FRYL: variants seen among roughly 807,000 people sequenced by gnomAD.
FRYL encodes the protein FRY like transcription coactivator, also known as protein furry homolog-like.
In FRYL, 150 loss-of-function variants were observed where a neutral mutation model predicts 351.2. The ratio of observed to expected loss-of-function variants is 0.43; its 90% confidence interval spans 0.37 to 0.49. The LOEUF (loss-of-function observed/expected upper bound fraction) is 0.49, where lower values mean the gene tolerates loss of function less well. Among genes scored for constraint, FRYL ranks in the 20% least tolerant of loss-of-function variants. The pLI is 0.00. For missense variants in FRYL, 3,036 were observed against 3,619.3 expected (o/e 0.84, Z 4.13); for synonymous variants, 1,153 against 1,257.1 (o/e 0.92, Z 1.75).
chr4:48,574,314 T>C (rs892673087), intron 25 of FRYL: 4 of 152,196 alleles, frequency 2.6e-5, no homozygotes, highest in African/African-American at 4.8e-5. Flanking sequence ...CACTTTTAAA[T>C]CCTATTTTTT....
chr4:48,684,905 A>G (rs929987071), intron 2 of FRYL, 110 bp from the exon 3 acceptor site: 2 of 152,214 alleles, frequency 1.3e-5, no homozygotes, highest in African/African-American at 4.8e-5. Flanking sequence ...AGTGTCACCT[A>G]GTGCTGCAGA....
At chr4:48,712,772 A>G (rs1408055404) in intron 1 of FRYL, among the ~76,000 whole-genome samples, 2 of 152,196 alleles carry the variant, frequency 1.3e-5, no homozygotes, top group Admixed American at 1.3e-4. Context: ...CAAGACACAT[A>G]ATTGTCAGAT....
At position 48,659,463 on chromosome 4, in the gene FRYL, G is replaced by A. The variant is rs796603458; in HGVS notation, c.-80-24973C>T. ...AAGAGGAAGAGGAAGAGGGAGAAGA[G>A]GAAGAGGGAGAAGAGGAAGAGGGAG... On this transcript the variant is annotated intron_variant, in intron 3 of 63. Transcript: ENST00000358350. 7.6e-3 allele frequency among the ~76,000 whole-genome samples: 18 copies of A among 2,364 alleles called. 8 individuals are homozygous for A. The highest frequency in any genetic ancestry group is 0.027 in the Non-Finnish European group (14 of 518). The allele number at this position is 2,364 out of a possible 152,430, so 1.6% of individuals were successfully genotyped here.
chr4:48,706,190 G>T (rs1578778899), intron 2 of FRYL, among the ~76,000 whole-genome samples: 1 of 152,268 alleles, frequency 6.6e-6, no homozygotes, highest in East Asian at 1.9e-4. Flanking sequence ...ATAGAATTCA[G>T]CTGAATACCT....
chr4:48,570,282 A>G (rs567214864), intron 27 of FRYL, among the ~76,000 whole-genome samples: 1 of 152,300 alleles, frequency 6.6e-6, no homozygotes, highest in East Asian at 1.9e-4. Context: ...TAGTGTGAAG[A>G]TGCCTTTACT....
At chr4:48,621,445 A>C (rs1750627509) in intron 5 of FRYL, among the ~76,000 whole-genome samples, 1 of 152,230 alleles carries the variant, frequency 6.6e-6, no homozygotes, top group Non-Finnish European at 1.5e-5. Flanking sequence ...GATTCTTTTC[A>C]TGAATGAATC....
Position 48,528,328 on chromosome 4 carries a change from A to G in FRYL, c.6912T>C (p.Ile2304=). The G allele has an allele frequency of 6.2e-7, 1 of 1,607,074 alleles. No individual in the cohort carries two copies. Among genetic ancestry groups the G allele is most frequent in the Non-Finnish European group, 8.5e-7 (1 of 1,176,946 alleles). Residue 2304 remains isoleucine, a synonymous_variant, in exon 51 of 64, where the codon ATT becomes ATC. Coordinates refer to ENST00000358350, the MANE Select transcript of FRYL (RefSeq NM_015030.2). ...GCTGATCACCATATTTGTTTCCAAT[A>G]ATTGGTGTCTACACAGAAACAAAAT... The part of the protein sequence containing the change: ...DFHFDISETP[I]IGNKYGDQHS...
Position 48,649,999 on chromosome 4 carries a change from G to T in FRYL, c.-80-15509C>A, listed in dbSNP as rs1757290558. The stretch of plus-strand genomic sequence containing the variant: ...TTCTTTTTCTTTTTTCTTCAGGAGG[G>T]TAGGGGCAACATTTGAAATATATAA... On this transcript the variant is annotated intron_variant, in intron 3 of 63. Coordinates refer to ENST00000358350, the MANE Select transcript of FRYL (RefSeq NM_015030.2). Among the ~76,000 whole-genome samples, 3 of 152,006 alleles carry T rather than the reference G, an allele frequency of 2.0e-5. No individual in the cohort carries two copies. In the South Asian group the frequency reaches 6.2e-4, roughly 32 times the overall value.
chr4:48,529,516 T>C (rs912903546), intron 50 of FRYL, among the ~76,000 whole-genome samples: 2 of 152,192 alleles, frequency 1.3e-5, no homozygotes, highest in African/African-American at 4.8e-5. Context: ...CTATTATACA[T>C]ACATCTTGCT....
At chr4:48,678,675 C>T (rs1330884052) in intron 3 of FRYL, among the ~76,000 whole-genome samples, 1 of 151,374 alleles carries the variant, frequency 6.6e-6, no homozygotes, top group Non-Finnish European at 1.5e-5. Flanking sequence ...TTTTGCTTCC[C>T]CATCCTCAGC....
chr4:48,620,690 GT>G lies in FRYL; in HGVS notation c.262del (p.Thr88ArgfsTer34). The G allele has an allele frequency of 6.2e-7, 1 of 1,613,798 alleles. No individual in the cohort carries two copies. Among genetic ancestry groups the G allele is most frequent in the Non-Finnish European group, 8.5e-7 (1 of 1,179,818 alleles). Reference protein sequence around the residue: ...LFDWYRRQNGTEDESYEYRPR... With the variant: ...LFDWYRRQNGXEDESYEYRPR... ...CCTATATTCATAAGATTCATCTTCC[GT>G]TCCATTTTGGCGTCTGTACCAGTCA... On this transcript the variant is annotated frameshift_variant, in exon 6 of 64. Coordinates refer to ENST00000358350, the MANE Select transcript of FRYL (RefSeq NM_015030.2). LOFTEE classifies it high-confidence loss of function.
At chr4:48,690,353 C>T (rs190088865) in intron 2 of FRYL, among the ~76,000 whole-genome samples, 1 of 151,916 alleles carries the variant, frequency 6.6e-6, no homozygotes, top group African/African-American at 2.4e-5. Context: ...ATCAGATTAC[C>T]CATTATCAAC....
At chr4:48,690,142 T>C (rs1765554911) in intron 2 of FRYL, among the ~76,000 whole-genome samples, 1 of 151,820 alleles carries the variant, frequency 6.6e-6, no homozygotes, top group Admixed American at 6.6e-5. Flanking sequence ...CCTGACCTCG[T>C]GATCTGCCTG....
At chr4:48,625,154 A>C (rs1015847737) in intron 4 of FRYL, among the ~76,000 whole-genome samples, 1 of 152,064 alleles carries the variant, frequency 6.6e-6, no homozygotes, top group African/African-American at 2.4e-5. Context: ...TAATAAATCA[A>C]TCTCTCTTTC....
intron 60 of FRYL, among the ~76,000 whole-genome samples, chr4:48,503,644 TAA>T (rs1720241898): frequency 6.6e-6 from 1 of 152,224 alleles, no homozygotes; most frequent in African/African-American, 2.4e-5. Context: ...ATGTATCTTC[TAA>T]AAGTCATTCT....
chr4:48,611,761 T>C (rs1307368344), intron 7 of FRYL, among the ~76,000 whole-genome samples: 4 of 152,174 alleles, frequency 2.6e-5, no homozygotes, highest in Non-Finnish European at 5.9e-5. Flanking sequence ...AAATAACTTT[T>C]AGTAATATTT....
chr4:48,681,760 A>T (rs903050130), intron 3 of FRYL, among the ~76,000 whole-genome samples: 1 of 152,196 alleles, frequency 6.6e-6, no homozygotes, highest in African/African-American at 2.4e-5. Context: ...TAACCAAAAA[A>T]ATTGATAATT....
intron 38 of FRYL, 162 bp downstream of exon 38, chr4:48,550,430 T>G (rs1030202626): frequency 1.4e-5 from 8 of 566,356 alleles, no homozygotes; most frequent in Non-Finnish European, 2.2e-5. Context: ...TTACGTTGCT[T>G]CTTAAAATCA....
At chr4:48,553,159 A>C (rs1469628744) in intron 36 of FRYL, 56 bp downstream of exon 36, 1 of 1,388,512 alleles carries the variant, frequency 7.2e-7, no homozygotes, top group Admixed American at 1.9e-5. Flanking sequence ...ACCATAGTGA[A>C]GCAGATGAAG....
Sources: allele counts gnomAD v4.1 joint callset (sites outside exome capture counted in the v4.1 genomes callset), GRCh38; gene constraint gnomAD v4.1.1; transcripts MANE v1.5; gene names NCBI Gene and HGNC (gene_info 2026-07-23, HGNC 2026-07-21).